Variants in CNTN5 observed in about 807,000 individuals in gnomAD.
CNTN5 encodes contactin 5.
CNTN5 carries 77 observed loss-of-function variants against 129.1 expected under a neutral mutation model. That is an observed-to-expected ratio of 0.60 (90% CI 0.50 to 0.72). CNTN5 has a LOEUF of 0.72. Among genes scored for constraint, CNTN5 ranks in the 30% least tolerant of loss-of-function variants. The pLI is 0.00. For missense variants in CNTN5, 1,478 were observed against 1,328.8 expected (o/e 1.11, Z -1.75); for synonymous variants, 509 against 465.6 (o/e 1.09, Z -1.20).
intron 3 of CNTN5, among the ~76,000 whole-genome samples, chr11:99,574,307 T>A (rs1393141470): frequency 1.3e-5 from 2 of 152,208 alleles, no homozygotes; most frequent in African/African-American, 4.8e-5. Context: ...CAGTCAATCA[T>A]TGATGGGCAT....
chr11:100,271,200 A>G lies in CNTN5; in HGVS notation c.2273A>G (p.Asp758Gly), dbSNP rs200410164. ...VVATNPIGTG[D>G]PSTPSRMIRT... ...GCCACCAACCCTATTGGGACAGGAGATCCAAGCACCCCATCTCGAATGATC... is the reference window on the plus strand; with the variant it reads ...GCCACCAACCCTATTGGGACAGGAGGTCCAAGCACCCCATCTCGAATGATC... Residue 758 changes from aspartate (D) to glycine (G), a missense_variant, in exon 18 of 25, where the codon GAT becomes GGT. Transcript: ENST00000524871. 4.3e-6 allele frequency: 7 copies of G among 1,612,332 alleles called. No homozygotes were observed. The highest frequency in any genetic ancestry group is 2.2e-5 in the East Asian group (1 of 44,800).
intron 3 of CNTN5, among the ~76,000 whole-genome samples, chr11:99,767,599 G>A (rs1944797646): frequency 7.0e-6 from 1 of 142,306 alleles, no homozygotes; most frequent in Non-Finnish European, 1.5e-5. Context: ...TTTTCCCATT[G>A]ATTACTATTA....
chr11:99,317,614 G>A (rs1865395291), intron 1 of CNTN5, among the ~76,000 whole-genome samples: 2 of 152,038 alleles, frequency 1.3e-5, no homozygotes, highest in African/African-American at 4.8e-5. Context: ...ATACTCTAGA[G>A]AATCAAGGTC....
chr11:99,165,220 T>A (rs1490628631), intron 1 of CNTN5, among the ~76,000 whole-genome samples: 1 of 152,212 alleles, frequency 6.6e-6, no homozygotes, highest in Non-Finnish European at 1.5e-5. Context: ...TTAATAAGGA[T>A]TCATAAAACA....
intron 6 of CNTN5, among the ~76,000 whole-genome samples, chr11:99,880,862 A>G (rs954196633): frequency 7.2e-5 from 11 of 152,282 alleles, no homozygotes; most frequent in African/African-American, 9.6e-5. Context: ...TCAACCATCT[A>G]TTTGTGAGGA....
At chr11:99,170,606 G>A (rs1861104239) in intron 1 of CNTN5, among the ~76,000 whole-genome samples, 1 of 152,266 alleles carries the variant, frequency 6.6e-6, no homozygotes, top group Admixed American at 6.5e-5. Context: ...GAGCCAGAGA[G>A]GGAAAAATAA....
At chr11:99,875,908 C>T (rs1003377539) in intron 6 of CNTN5, among the ~76,000 whole-genome samples, 3 of 151,840 alleles carry the variant, frequency 2.0e-5, no homozygotes, top group Non-Finnish European at 4.4e-5. Context: ...TTTTTCACAC[C>T]ATAAAAGGAA....
At chr11:100,186,061 T>G (rs1209778754) in intron 13 of CNTN5, among the ~76,000 whole-genome samples, 1 of 152,054 alleles carries the variant, frequency 6.6e-6, no homozygotes, top group African/African-American at 2.4e-5. Flanking sequence ...AAGCCAAACA[T>G]AGATATGGAG....
chr11:100,022,399 G>A (rs1324448235), intron 9 of CNTN5, among the ~76,000 whole-genome samples: 3 of 151,988 alleles, frequency 2.0e-5, no homozygotes, highest in Admixed American at 6.6e-5. Flanking sequence ...TGTCCCCTAT[G>A]TTCTTTGTAC....
chr11:99,697,997 A>G (rs1411638970), intron 3 of CNTN5, among the ~76,000 whole-genome samples: 1 of 151,304 alleles, frequency 6.6e-6, no homozygotes, highest in Non-Finnish European at 1.5e-5. Flanking sequence ...TTGAACATTA[A>G]CCGTTTCGAC....
At chr11:99,140,205 C>CT (rs950536461) in intron 1 of CNTN5, among the ~76,000 whole-genome samples, 8 of 151,882 alleles carry the variant, frequency 5.3e-5, no homozygotes, top group African/African-American at 1.9e-4. Context: ...AGTGTAATAT[C>CT]TTTTTAAAAA....
At chr11:100,066,569 TGCATCTGGTGAG>T (rs1439677455) in intron 10 of CNTN5, among the ~76,000 whole-genome samples, 1 of 152,116 alleles carries the variant, frequency 6.6e-6, no homozygotes, top group African/African-American at 2.4e-5. Context: ...ATAAGTACGG[TGCATCTGGTGAG>T]GCTTTAACAG....
At chr11:99,752,040 C>T (rs1422663240) in intron 3 of CNTN5, among the ~76,000 whole-genome samples, 1 of 98,166 alleles carries the variant, frequency 1.0e-5, no homozygotes, top group African/African-American at 3.7e-5. Flanking sequence ...TGATTTTGGA[C>T]TTCCAGCCTT....
chr11:100,176,609 T>C (rs1947973419), intron 13 of CNTN5, among the ~76,000 whole-genome samples: 1 of 151,952 alleles, frequency 6.6e-6, no homozygotes, highest in Non-Finnish European at 1.5e-5. Context: ...GGCAGATATA[T>C]TTGAGCAGTG....
chr11:99,166,190 C>T (rs10750207), intron 1 of CNTN5, among the ~76,000 whole-genome samples: 101,909 of 151,398 alleles, frequency 0.67, 34,639 homozygotes, highest in East Asian at 0.94. Flanking sequence ...GATCACAAAT[C>T]AGGAGATCGA....
chr11:99,236,493 CACACA>C, intron 1 of CNTN5, among the ~76,000 whole-genome samples: 1 of 127,810 alleles, frequency 7.8e-6, no homozygotes, highest in South Asian at 2.6e-4. Context: ...CACACACACA[CACACA>C]GAGAGAGAGA....
At chr11:99,978,156 A>C (rs961514537) in intron 8 of CNTN5, among the ~76,000 whole-genome samples, 4 of 152,222 alleles carry the variant, frequency 2.6e-5, no homozygotes, top group African/African-American at 9.6e-5. Flanking sequence ...AAAGATAATA[A>C]AAATTTTAAA....
intron 13 of CNTN5, among the ~76,000 whole-genome samples, chr11:100,158,093 A>G (rs1365862791): frequency 6.6e-6 from 1 of 151,822 alleles, no homozygotes; most frequent in Non-Finnish European, 1.5e-5. Context: ...GAAAATCTGT[A>G]TTAGAATTAG....
chr11:99,152,302 C>T lies in CNTN5; in HGVS notation c.-210+131032C>T, dbSNP rs186178411. ...TTAAAAAATATTCATGAGACATTTT[C>T]AATAAGATTCATTTATAGCTTCATT... On this transcript the variant is annotated intron_variant, in intron 1 of 24. Coordinates refer to ENST00000524871, the MANE Select transcript of CNTN5 (RefSeq NM_014361.4). Among the ~76,000 whole-genome samples the T allele has an allele frequency of 7.8e-3, 1,186 of 152,264 alleles. 3 individuals carry two copies. Among genetic ancestry groups the T allele is most frequent in the Non-Finnish European group, 0.013 (856 of 68,000 alleles).
Sources: allele counts gnomAD v4.1 joint callset (sites outside exome capture counted in the v4.1 genomes callset), GRCh38; gene constraint gnomAD v4.1.1; transcripts MANE v1.5; gene names NCBI Gene and HGNC (gene_info 2026-07-23, HGNC 2026-07-21).